Variants in LMBR1L observed in about 807,000 individuals in gnomAD.
The protein encoded by LMBR1L is limb development membrane protein 1 like, also known as protein LMBR1L.
LMBR1L carries 47 observed loss-of-function variants against 67.3 expected under a neutral mutation model. The observed-to-expected ratio is 0.70, with a 90% CI of 0.55 to 0.89. The LOEUF is 0.89. Ranked by LOEUF, LMBR1L falls within the 40% of genes least tolerant of loss-of-function variation. The pLI, the probability that LMBR1L is intolerant of heterozygous loss-of-function variation, is 0.00. For missense variants in LMBR1L, 533 were observed against 599.2 expected (o/e 0.89, Z 1.15); for synonymous variants, 247 against 250.3 (o/e 0.99, Z 0.13).
At chr12:49,109,129 C>T (rs1226806664) in intron 1 of LMBR1L, among the ~76,000 whole-genome samples, 2 of 152,156 alleles carry the variant, frequency 1.3e-5, no homozygotes, top group Non-Finnish European at 2.9e-5. Context: ...TAGATGAGAG[C>T]CAGGTGGGGG....
chr12:49,102,145 G>A lies in LMBR1L; in HGVS notation c.905C>T (p.Ala302Val), dbSNP rs774259823. Reference sequence around the variant, plus strand: ...CGTCAGCACCAGCAAGCACAGCATAGCCAGGGGGTAGCCCAGGTTCCGTTG... The same window carrying A: ...CGTCAGCACCAGCAAGCACAGCATAACCAGGGGGTAGCCCAGGTTCCGTTG... ...AWQRNLGYPL[A>V]MLCLLVLTGL... The change falls in exon 11 of 17, where the codon GCT becomes GTT. Residue 302 changes from alanine (A) to valine (V), a missense_variant. This residue lies in a region of LMBR1L where 223 missense variants were observed against 241.2 expected (regional missense o/e 0.92). Coordinates refer to ENST00000267102, the MANE Select transcript of LMBR1L (RefSeq NM_018113.4). The A allele has an allele frequency of 2.5e-6, 4 of 1,614,168 alleles. No homozygotes were observed. Among genetic ancestry groups the A allele is most frequent in the Non-Finnish European group, 3.4e-6 (4 of 1,180,030 alleles).
Position 49,110,526 on chromosome 12 carries a change from GGA to G in LMBR1L, c.28_29del (p.Ser10ArgfsTer39). On this transcript the variant is annotated frameshift_variant, in exon 1 of 17. Coordinates refer to ENST00000267102, the MANE Select transcript of LMBR1L (RefSeq NM_018113.4). LOFTEE classifies it high-confidence loss of function. The stretch of plus-strand genomic sequence containing the variant: ...TCTCGTGGAATAGCTGTTCTCGCAC[GGA>G]TAGCACTTCGTAGTCAGGTGCTTCC... MEAPDYEVL[S>X]VREQLFHERI... is the part of the protein sequence containing the mutation. 1 of 1,614,054 alleles carries G rather than the reference GGA, an allele frequency of 6.2e-7. No homozygotes were observed. The highest frequency in any genetic ancestry group is 8.5e-7 in the Non-Finnish European group (1 of 1,179,966).
intron 6 of LMBR1L, 61 bp from the exon 7 acceptor site, chr12:49,103,220 A>T: frequency 7.0e-7 from 1 of 1,437,606 alleles, no homozygotes; most frequent in East Asian, 2.3e-5. Flanking sequence ...CCCCAGGCTG[A>T]CAGGCCTCAG....
At chr12:49,099,834 G>A (rs1939900353) in intron 15 of LMBR1L, among the ~76,000 whole-genome samples, 1 of 152,186 alleles carries the variant, frequency 6.6e-6, no homozygotes, top group African/African-American at 2.4e-5. Context: ...GCCCGCCTTG[G>A]CCTCCCAAAG....
chr12:49,101,419 C>G (rs761288236), intron 12 of LMBR1L, 53 bp downstream of exon 12: 2 of 1,607,134 alleles, frequency 1.2e-6, no homozygotes, highest in South Asian at 1.1e-5. Flanking sequence ...CCTCCTCTCC[C>G]CAGCTGTTCT....
At chr12:49,110,343 C>T in intron 1 of LMBR1L, 141 bp downstream of exon 1, 2 of 756,906 alleles carry the variant, frequency 2.6e-6, no homozygotes, top group Middle Eastern at 3.6e-4. Flanking sequence ...GGGCACCCGC[C>T]CTTCTGCCCG....
Position 49,101,238 on chromosome 12 carries a change from C to T in LMBR1L, c.1082+12G>A. 1 of 1,614,110 alleles carries T rather than the reference C, an allele frequency of 6.2e-7. No individual in the cohort carries two copies. The highest frequency in any genetic ancestry group is 8.5e-7 in the Non-Finnish European group (1 of 1,180,008). ...GCTGAACAGAGGCAATGATGGGTTT[C>T]CAGAAGGATACAAGATGAGTACAAC... On this transcript the variant is annotated intron_variant, in intron 13 of 16. Transcript: ENST00000267102.
chr12:49,110,072 G>A, intron 1 of LMBR1L: 1 of 467,312 alleles, frequency 2.1e-6, no homozygotes, highest in Non-Finnish European at 4.3e-6. Context: ...ATCAAGCTCA[G>A]TGTGACGACG....
chr12:49,100,711 G>T, intron 13 of LMBR1L, 65 bp from the exon 14 acceptor site: 1 of 1,204,064 alleles, frequency 8.3e-7, no homozygotes, highest in Non-Finnish European at 1.2e-6. Flanking sequence ...AAAGGGAACA[G>T]AGCTCTCTCC....
chr12:49,110,600 G>A lies in LMBR1L; in HGVS notation c.-45C>T. 1 of 1,580,920 alleles carries A rather than the reference G, an allele frequency of 6.3e-7. No individual in the cohort carries two copies. Among genetic ancestry groups the A allele is most frequent in the South Asian group, 1.1e-5 (1 of 90,414 alleles). On this transcript the variant is annotated 5_prime_UTR_variant, in exon 1 of 17. Coordinates refer to ENST00000267102, the MANE Select transcript of LMBR1L (RefSeq NM_018113.4). ...AAGCCGAGGTGCCTCTGGGCCCGGG[G>A]AGGACGAGCGGGGAGGAAGCCGCCG... is the stretch of plus-strand genomic sequence containing the variant.
rs918588159 is a variant in LMBR1L, at chr12:49,097,204, A to T, written c.*468T>A. ...TGATGGCTGAAGCCTCCTCCTCCCT[A>T]TCCCCTTGGTCTTTCAGGTGGTCCA... On this transcript the variant is annotated 3_prime_UTR_variant, in exon 17 of 17. Coordinates refer to ENST00000267102, the MANE Select transcript of LMBR1L (RefSeq NM_018113.4). The T allele has an allele frequency of 6.3e-6, 1 of 159,006 alleles. No individual in the cohort carries two copies. Among genetic ancestry groups the T allele is most frequent in the Non-Finnish European group, 1.4e-5 (1 of 71,884 alleles). 9.8% of individuals were successfully genotyped at this position (159,006 alleles called of 1,614,324 possible).
rs529129291 is a variant in LMBR1L, at chr12:49,102,867, G to A, written c.696+20C>T. On this transcript the variant is annotated intron_variant, in intron 8 of 16. Coordinates refer to ENST00000267102, the MANE Select transcript of LMBR1L (RefSeq NM_018113.4). ...AGGAAGCTCACCCTGCAGGATCAAA[G>A]AGCAAGGAATACCACATACCCGGGG... 6.2e-7 allele frequency: 1 copy of A among 1,612,056 alleles called. No homozygotes were observed. The highest frequency in any genetic ancestry group is 8.5e-7 in the Non-Finnish European group (1 of 1,178,184).
intron 1 of LMBR1L, chr12:49,109,883 T>C (rs1266877551): frequency 4.9e-6 from 2 of 404,162 alleles, no homozygotes; most frequent in Non-Finnish European, 9.9e-6. Context: ...GAACCCAGCC[T>C]TGCAGGGTTT....
rs774150407 is a variant in LMBR1L, at chr12:49,098,038, C to T, written c.1308G>A (p.Val436=). 1.2e-6 allele frequency: 2 copies of T among 1,614,034 alleles called. No homozygotes were observed. The highest frequency in any genetic ancestry group is 1.3e-5 in the African/African-American group (1 of 74,924). Residue 436 remains valine (V), a synonymous_variant, in exon 16 of 17, where the codon GTG becomes GTA. Transcript: ENST00000267102. ...CTGCAAAGGCTGCGTTGTAGAGGAA[C>T]ACAATGTAGAAATTGCCCAGCCAGT... ...RFNWLGNFYI[V]FLYNAAFAGL...
chr12:49,109,987 C>T (rs1475063290), intron 1 of LMBR1L: 2 of 456,004 alleles, frequency 4.4e-6, no homozygotes, highest in Non-Finnish European at 4.4e-6. Flanking sequence ...AGACTCCTTT[C>T]TTCCAAAGCA....
chr12:49,097,453 C>T lies in LMBR1L; in HGVS notation c.*219G>A. ...CAGGGGCTAGACCCAGTCACCCAGC[C>T]CTACCCCATGCTGAGGCCACAGTTA... is the stretch of plus-strand genomic sequence containing the variant. On this transcript the variant is annotated 3_prime_UTR_variant, in exon 17 of 17. Transcript: ENST00000267102. The T allele has an allele frequency of 1.7e-6, 1 of 582,732 alleles. No homozygotes were observed. Among genetic ancestry groups the T allele is most frequent in the Admixed American group, 3.0e-5 (1 of 33,640 alleles). 36.1% of individuals were successfully genotyped at this position (582,732 alleles called of 1,614,324 possible). A position where few individuals can be genotyped will look rare whatever the true frequency, so the allele number is the denominator to read the frequency against.
intron 10 of LMBR1L, 39 bp downstream of exon 10, chr12:49,102,254 G>A: frequency 6.2e-7 from 1 of 1,613,596 alleles, no homozygotes; most frequent in South Asian, 1.1e-5. Flanking sequence ...ACTCTCCTTG[G>A]GGAAACCCAG....
chr12:49,109,670 A>G, intron 1 of LMBR1L: 1 of 456,322 alleles, frequency 2.2e-6, no homozygotes, highest in Non-Finnish European at 4.4e-6. Flanking sequence ...GAGAGGTGAA[A>G]ATTCAAAGCA....
rs780079604 is a variant in LMBR1L at position 49,097,911 on chromosome 12, C to T, written c.1402+33G>A. ...CCAGAGTGTCCTAGATGATTACCAC[C>T]CCCCACTAGCCTGCACCCTCACTCC... On this transcript the variant is annotated intron_variant, in intron 16 of 16. Transcript: ENST00000267102. 4 of 1,598,250 alleles carry T rather than the reference C, an allele frequency of 2.5e-6. No individual in the cohort carries two copies. In the Admixed American group the frequency reaches 5.0e-5, roughly 20 times the overall value.
Sources: gnomAD v4.1 joint callset for allele counts (sites outside exome capture counted in the v4.1 genomes callset) on GRCh38, gnomAD v4.1.1 for gene constraint, gnomAD v4.1.1 regional missense constraint, MANE v1.5 for transcripts, NCBI Gene and HGNC (gene_info 2026-07-23, HGNC 2026-07-21) for gene names.